Variants in FAM163A observed in about 807,000 individuals in gnomAD.
FAM163A encodes family with sequence similarity 163 member A, also known as protein FAM163A.
A neutral mutation model predicts 12.0 loss-of-function variants in FAM163A; 7 were observed. That is an observed-to-expected ratio of 0.58 (90% CI 0.33 to 1.10). The LOEUF (loss-of-function observed/expected upper bound fraction) is 1.10, where lower values mean the gene tolerates loss of function less well. Ranked by LOEUF, FAM163A falls within the 50% of genes least tolerant of loss-of-function variation. The pLI is 0.03. For missense variants in FAM163A, 202 were observed against 218.6 expected (o/e 0.92, Z 0.48); for synonymous variants, 101 against 91.0 (o/e 1.11, Z -0.62).
chr1:179,797,439 A>C lies in FAM163A; in HGVS notation c.-135-10359A>C, dbSNP rs189686053. ...CTCACGCCAGCCCAGGCAACAAGAG[A>C]AAAACTCTGTCTCAAAAAAAAGGGA... On this transcript the variant is annotated intron_variant, in intron 1 of 4. Coordinates refer to ENST00000341785, the MANE Select transcript of FAM163A (RefSeq NM_173509.3). Among the ~76,000 whole-genome samples, 1,409 of 152,202 alleles carry C rather than the reference A, an allele frequency of 9.3e-3. 23 individuals carry two copies. The highest frequency in any genetic ancestry group is 0.032 in the African/African-American group (1,331 of 41,518).
At chr1:179,765,381 C>T (rs982931123) in intron 1 of FAM163A, among the ~76,000 whole-genome samples, 3 of 152,198 alleles carry the variant, frequency 2.0e-5, no homozygotes, top group Non-Finnish European at 4.4e-5. Flanking sequence ...AAGATACTGC[C>T]GGTTTGGGAC....
rs1384879210 is a variant in FAM163A, at chr1:179,744,229, C to G, written c.-136+806C>G. On this transcript the variant is annotated intron_variant, in intron 1 of 4. Transcript: ENST00000341785. ...CGTGGGGCCGCGGTGTCCTTGCTCC[C>G]GAGGCCCCAGAGCGGGCGACCGCAC... Among the ~76,000 whole-genome samples, 4 of 152,250 alleles carry G rather than the reference C, an allele frequency of 2.6e-5. No individual in the cohort carries two copies. In the East Asian group the frequency reaches 7.8e-4, roughly 30 times the overall value.
chr1:179,730,922 G>A, the FAM163A span, among the ~76,000 whole-genome samples: 1 of 152,184 alleles, frequency 6.6e-6, no homozygotes, highest in African/African-American at 2.4e-5. Context: ...ACAGCTAATT[G>A]TTAGAGTAAA....
intron 1 of FAM163A, among the ~76,000 whole-genome samples, chr1:179,788,237 T>C (rs1453926486): frequency 6.6e-6 from 1 of 152,194 alleles, no homozygotes; most frequent in Non-Finnish European, 1.5e-5. Flanking sequence ...AGGGAAATCA[T>C]TCTGAAACTG....
chr1:179,768,564 G>C (rs1230513401), intron 1 of FAM163A, among the ~76,000 whole-genome samples: 2 of 152,112 alleles, frequency 1.3e-5, no homozygotes, highest in Non-Finnish European at 2.9e-5. Flanking sequence ...AGAACATCCA[G>C]CTTTGGCTTT....
At chr1:179,782,486 G>C (rs539896814) in intron 1 of FAM163A, among the ~76,000 whole-genome samples, 4 of 150,976 alleles carry the variant, frequency 2.6e-5, no homozygotes, top group African/African-American at 4.8e-5. Context: ...CAAGCAGGAC[G>C]GGATGGAGAC....
At chr1:179,758,432 A>C (rs1240648877) in intron 1 of FAM163A, among the ~76,000 whole-genome samples, 2 of 152,214 alleles carry the variant, frequency 1.3e-5, no homozygotes, top group Non-Finnish European at 2.9e-5. Context: ...AACAGAAAGA[A>C]AAAAAGGGTG....
chr1:179,803,338 G>C (rs1267714252), intron 1 of FAM163A, among the ~76,000 whole-genome samples: 1 of 152,202 alleles, frequency 6.6e-6, no homozygotes, highest in African/African-American at 2.4e-5. Context: ...TACATGTGCT[G>C]GTGCCAGCCG....
upstream of FAM163A, among the ~76,000 whole-genome samples, chr1:179,741,204 T>G (rs554067712): frequency 3.3e-5 from 5 of 152,330 alleles, no homozygotes; most frequent in Admixed American, 3.3e-4. Flanking sequence ...TCATTGGTAA[T>G]TAGGGATATG....
chr1:179,806,456 C>T (rs1031477865), intron 1 of FAM163A, among the ~76,000 whole-genome samples: 6 of 152,134 alleles, frequency 3.9e-5, no homozygotes, highest in Admixed American at 1.3e-4. Flanking sequence ...GCTGTTCTGT[C>T]ACGCAGTCAC....
intron 1 of FAM163A, among the ~76,000 whole-genome samples, chr1:179,744,088 AGT>A (rs1248039944): frequency 6.6e-6 from 1 of 152,056 alleles, no homozygotes; most frequent in Non-Finnish European, 1.5e-5. Context: ...AAGAGGGCGA[AGT>A]GCCTTCGCGG....
At chr1:179,790,446 G>A (rs1005187824) in intron 1 of FAM163A, among the ~76,000 whole-genome samples, 10 of 152,122 alleles carry the variant, frequency 6.6e-5, no homozygotes, top group Admixed American at 2.0e-4. Context: ...TTCAACCCAG[G>A]TCTGGCTGAC....
At chr1:179,769,177 G>A (rs887455738) in intron 1 of FAM163A, among the ~76,000 whole-genome samples, 3 of 151,962 alleles carry the variant, frequency 2.0e-5, no homozygotes, top group Non-Finnish European at 4.4e-5. Flanking sequence ...ACAAGATCTC[G>A]CTCTCTCACC....
At chr1:179,762,420 G>A (rs141082017) in intron 1 of FAM163A, among the ~76,000 whole-genome samples, 156 of 152,226 alleles carry the variant, frequency 1.0e-3, no homozygotes, top group African/African-American at 3.6e-3. Flanking sequence ...ACCTGGTTGC[G>A]CTCCTATGCA....
chr1:179,730,575 T>C, the FAM163A span, among the ~76,000 whole-genome samples: 1 of 152,240 alleles, frequency 6.6e-6, no homozygotes, highest in African/African-American at 2.4e-5. Context: ...TATGTCTCTG[T>C]AGCTGAAATT....
At chr1:179,797,390 G>T (rs1340320740) in intron 1 of FAM163A, among the ~76,000 whole-genome samples, 1 of 152,158 alleles carries the variant, frequency 6.6e-6, no homozygotes, top group African/African-American at 2.4e-5. Flanking sequence ...AGAGGTTGCA[G>T]TGAGCCAAGA....
chr1:179,802,379 G>T (rs1034542655), intron 1 of FAM163A, among the ~76,000 whole-genome samples: 1 of 152,166 alleles, frequency 6.6e-6, no homozygotes, highest in African/African-American at 2.4e-5. Flanking sequence ...TCTCCTTGTT[G>T]CTGTGTGTTG....
At chr1:179,729,835 A>G in the FAM163A span, among the ~76,000 whole-genome samples, 1 of 152,110 alleles carries the variant, frequency 6.6e-6, no homozygotes, top group Non-Finnish European at 1.5e-5. Flanking sequence ...TTCTGTTTCT[A>G]TGAAAAGATT....
chr1:179,739,633 A>G (rs556247136), upstream of FAM163A, among the ~76,000 whole-genome samples: 2 of 152,330 alleles, frequency 1.3e-5, no homozygotes, highest in Admixed American at 6.5e-5. Flanking sequence ...GGCCCAGAGA[A>G]GCCAAAAGAC....
Sources: gnomAD v4.1 joint callset for allele counts (sites outside exome capture counted in the v4.1 genomes callset) on GRCh38, gnomAD v4.1.1 for gene constraint, MANE v1.5 for transcripts, NCBI Gene and HGNC (gene_info 2026-07-23, HGNC 2026-07-21) for gene names.